Variants in ELP4 observed in about 807,000 individuals in gnomAD.
The protein encoded by ELP4 is elongator complex protein 4.
In ELP4, 51 loss-of-function variants were observed where a neutral mutation model predicts 48.9. That is an observed-to-expected ratio of 1.04 (90% confidence interval 0.83 to 1.32). The LOEUF is 1.32. Among genes scored for constraint, ELP4 ranks in the 40% most tolerant of loss-of-function variants. ELP4 has a pLI of 0.00. For missense variants in ELP4, 519 were observed against 514.6 expected (o/e 1.01, Z -0.08); for synonymous variants, 210 against 189.2 (o/e 1.11, Z -0.90).
chr11:31,595,087 A>G (rs923840674), intron 4 of ELP4, among the ~76,000 whole-genome samples, 186 bp downstream of exon 4: 1 of 152,172 alleles, frequency 6.6e-6, no homozygotes, highest in African/African-American at 2.4e-5. Flanking sequence ...TTTTTTACCA[A>G]AATAGGTTGT....
intron 3 of ELP4, among the ~76,000 whole-genome samples, chr11:31,567,628 C>T (rs1270736721): frequency 6.6e-6 from 1 of 152,086 alleles, no homozygotes; most frequent in Non-Finnish European, 1.5e-5. Context: ...CCTCATTTTT[C>T]AACCTTGGTT....
In ELP4 at chr11:31,787,296, G is replaced by C. The variant is rs865924000; in HGVS notation, c.*3772G>C. 6.0e-5 allele frequency: 14 copies of C among 233,002 alleles called. No individual in the cohort carries two copies. The highest frequency in any genetic ancestry group is 3.4e-5 in the Non-Finnish European group (4 of 117,998). 14.4% of individuals were successfully genotyped at this position (233,002 alleles called of 1,614,324 possible). ...CCTGACCTTCAGAGCACACATATAC[G>C]TGCCCAAGTGCACACATACAGACCC... On this transcript the variant is annotated 3_prime_UTR_variant, in exon 10 of 10. Coordinates refer to ENST00000640961, the MANE Select transcript of ELP4 (RefSeq NM_019040.5).
chr11:31,522,277 C>T (rs1592080822), intron 2 of ELP4, among the ~76,000 whole-genome samples: 1 of 152,076 alleles, frequency 6.6e-6, no homozygotes, highest in South Asian at 2.1e-4. Context: ...GGTATAAATA[C>T]ATAAAATACA....
At chr11:31,780,396 A>C (rs1297100561) in intron 9 of ELP4, among the ~76,000 whole-genome samples, 2 of 152,208 alleles carry the variant, frequency 1.3e-5, no homozygotes, top group African/African-American at 4.8e-5. Context: ...TTGAGAATTT[A>C]GATTGCATAG....
At chr11:31,736,658 T>G (rs917497424) in intron 9 of ELP4, among the ~76,000 whole-genome samples, 7 of 152,218 alleles carry the variant, frequency 4.6e-5, no homozygotes, top group African/African-American at 1.7e-4. Flanking sequence ...CATCAAAAAG[T>G]GGGCAAAGGA....
chr11:31,607,842 A>G (rs892060750), intron 5 of ELP4, among the ~76,000 whole-genome samples: 1 of 152,184 alleles, frequency 6.6e-6, no homozygotes, highest in Admixed American at 6.5e-5. Context: ...ATTCTGTGAG[A>G]ACCGCTCGGT....
chr11:31,773,668 A>G (rs1948192391), intron 9 of ELP4, among the ~76,000 whole-genome samples: 1 of 152,240 alleles, frequency 6.6e-6, no homozygotes, highest in African/African-American at 2.4e-5. Flanking sequence ...AATGGTCTCC[A>G]CAACTGTGCT....
At chr11:31,672,889 A>G (rs1945837641) in intron 9 of ELP4, among the ~76,000 whole-genome samples, 1 of 152,262 alleles carries the variant, frequency 6.6e-6, no homozygotes, top group African/African-American at 2.4e-5. Flanking sequence ...AATGACTTCC[A>G]TATAAGTTGA....
chr11:31,674,442 T>A (rs1343221838), intron 9 of ELP4, among the ~76,000 whole-genome samples: 2 of 152,178 alleles, frequency 1.3e-5, no homozygotes, highest in East Asian at 3.8e-4. Flanking sequence ...CAACCAGTCA[T>A]CACCATGTCT....
At chr11:31,685,799 C>T (rs1389448282) in intron 9 of ELP4, among the ~76,000 whole-genome samples, 2 of 151,844 alleles carry the variant, frequency 1.3e-5, no homozygotes, top group African/African-American at 4.8e-5. Context: ...GGCATGGTGG[C>T]ACACGCCTGT....
At chr11:31,575,335 G>A (rs540189560) in intron 3 of ELP4, among the ~76,000 whole-genome samples, 22 of 152,292 alleles carry the variant, frequency 1.4e-4, no homozygotes, top group Admixed American at 9.8e-4. Flanking sequence ...GAAAGTGACG[G>A]GGAGAATGGA....
intron 9 of ELP4, 122 bp from the exon 10 acceptor site, chr11:31,783,271 A>C: frequency 1.3e-6 from 1 of 797,900 alleles, no homozygotes; most frequent in Admixed American, 2.7e-5. Flanking sequence ...GGAATTTTAT[A>C]TGCAAGTCTA....
intron 9 of ELP4, among the ~76,000 whole-genome samples, chr11:31,655,308 GAGAACAC>G: frequency 6.6e-6 from 1 of 151,728 alleles, no homozygotes; most frequent in Admixed American, 6.6e-5. Context: ...CCACCTTAAG[GAGAACAC>G]AGTTTTGAGA....
chr11:31,518,513 T>C (rs1250361037), intron 1 of ELP4, among the ~76,000 whole-genome samples: 4 of 150,462 alleles, frequency 2.7e-5, no homozygotes, highest in African/African-American at 4.9e-5. Flanking sequence ...TTTTTTTTTT[T>C]CTGAAACAGA....
chr11:31,719,255 GAAAAAGAAAAAAA>G (rs933468159), intron 9 of ELP4, among the ~76,000 whole-genome samples: 8 of 147,280 alleles, frequency 5.4e-5, no homozygotes, highest in African/African-American at 1.8e-4. Flanking sequence ...GCAAGACCCT[GAAAAAGAAAAAAA>G]AAAAAGAAAG....
chr11:31,571,855 GA>G (rs1957198547), intron 3 of ELP4, among the ~76,000 whole-genome samples: 1 of 152,120 alleles, frequency 6.6e-6, no homozygotes. Context: ...AAAATATTCG[GA>G]AAACCATGTT....
chr11:31,603,876 A>G lies in ELP4; in HGVS notation c.622A>G (p.Lys208Glu). Reference protein sequence around the residue: ...SNWHGFFLPEKISSTLKVEPC... With the variant: ...SNWHGFFLPEEISSTLKVEPC... ...TTGGCATGGATTTTTTCTTCCAGAG[A>G]AAATATCTTCAACTCTCAAAGTAGA... Residue 208 changes from lysine (K) to glutamate (E), a missense_variant, in exon 5 of 10, where the codon AAA (lysine) becomes GAA (glutamate). Coordinates refer to ENST00000640961, the MANE Select transcript of ELP4 (RefSeq NM_019040.5). 1 of 1,611,830 alleles carries G rather than the reference A, an allele frequency of 6.2e-7. No homozygotes were observed.
At position 31,759,738 on chromosome 11, in the gene ELP4, G is replaced by A. The variant is rs1366905324; in HGVS notation, c.1144-23655G>A. Among the ~76,000 whole-genome samples, 3 of 145,844 alleles carry A rather than the reference G, an allele frequency of 2.1e-5. No individual in the cohort carries two copies. The Admixed American group carries it at 2.1e-4, about 10-fold the overall frequency. ...TTTTTTTTTTTTGAGACGGAGTCTC[G>A]CTCTGTCACCCAGGCTGGAGTGCAG... On this transcript the variant is annotated intron_variant, in intron 9 of 9. Transcript: ENST00000640961.
intron 3 of ELP4, among the ~76,000 whole-genome samples, chr11:31,567,904 A>G (rs1208159338): frequency 6.6e-6 from 1 of 152,196 alleles, no homozygotes; most frequent in African/African-American, 2.4e-5. Context: ...ATGGCTGCTG[A>G]CTTACAGGTT....
Sources: allele counts gnomAD v4.1 joint callset (sites outside exome capture counted in the v4.1 genomes callset), GRCh38; gene constraint gnomAD v4.1.1; transcripts MANE v1.5; gene names NCBI Gene and HGNC (gene_info 2026-07-23, HGNC 2026-07-21).